RBMS3: variants seen among roughly 807,000 people sequenced by gnomAD.
The protein encoded by RBMS3 is RNA binding motif single stranded interacting protein 3.
RBMS3 carries 27 observed loss-of-function variants against 66.8 expected under a neutral mutation model. The ratio of observed to expected loss-of-function variants is 0.40; its 90% CI spans 0.30 to 0.56. RBMS3 has a LOEUF of 0.56. RBMS3 is among the 20% of genes least tolerant of loss of function. The pLI is 0.40. For synonymous variants in RBMS3, 188 were observed against 183.0 expected (o/e 1.03, Z -0.22); for missense variants, 513 against 549.5 (o/e 0.93, Z 0.66).
At chr3:29,765,231 C>A (rs1049745280) in intron 6 of RBMS3, among the ~76,000 whole-genome samples, 1 of 151,884 alleles carries the variant, frequency 6.6e-6, no homozygotes, top group African/African-American at 2.4e-5. Flanking sequence ...GGTATAATTA[C>A]AATTTGGGTA....
intron 6 of RBMS3, among the ~76,000 whole-genome samples, chr3:29,837,686 A>G (rs1462295232): frequency 8.2e-6 from 1 of 122,054 alleles, no homozygotes; most frequent in African/African-American, 3.4e-5. Flanking sequence ...ATATATATAT[A>G]TATATATATA....
At position 29,281,360 on chromosome 3, in the gene RBMS3, C is replaced by A. The variant is rs2031755544; in HGVS notation, c.-322C>A. On this transcript the variant is annotated 5_prime_UTR_variant, in exon 1 of 15. Coordinates refer to ENST00000383767, the MANE Select transcript of RBMS3 (RefSeq NM_001003793.3). ...TGGCAATTGACATCACTACAGACAGCCTGGTTAGAGAACAAACTGCCTCAT... is the reference window on the plus strand; with the variant it reads ...TGGCAATTGACATCACTACAGACAGACTGGTTAGAGAACAAACTGCCTCAT... 2.5e-6 allele frequency: 1 copy of A among 402,748 alleles called. No individual in the cohort carries two copies. Among genetic ancestry groups the A allele is most frequent in the East Asian group, 5.1e-5 (1 of 19,432 alleles). 24.9% of individuals were successfully genotyped at this position (402,748 alleles called of 1,614,324 possible).
chr3:29,893,308 A>G (rs2060048523), intron 8 of RBMS3, among the ~76,000 whole-genome samples: 1 of 151,506 alleles, frequency 6.6e-6, no homozygotes, highest in Non-Finnish European at 1.5e-5. Context: ...TCCTTTTGCT[A>G]GTATCCGTTT....
In RBMS3 at chr3:29,371,873, TA is replaced by T. The variant is rs113961046; in HGVS notation, c.76-62867del. On this transcript the variant is annotated intron_variant, in intron 1 of 14. Transcript: ENST00000383767. ...AGTTTCATTTACAAGAAGTTTTTTT[TA>T]AATTATTTTTCCATATCCTCGTCAC... Among the ~76,000 whole-genome samples, 520 of 152,174 alleles carry T rather than the reference TA, an allele frequency of 3.4e-3. 5 individuals carry two copies. The highest frequency in any genetic ancestry group is 0.017 in the East Asian group (90 of 5,172).
chr3:29,373,025 A>G (rs760675618), intron 1 of RBMS3, among the ~76,000 whole-genome samples: 4 of 152,190 alleles, frequency 2.6e-5, no homozygotes, highest in Admixed American at 1.3e-4. Flanking sequence ...AGCAGGAAAA[A>G]TTCTAAAACT....
At chr3:29,466,021 C>T (rs1159368874) in intron 2 of RBMS3, among the ~76,000 whole-genome samples, 1 of 151,732 alleles carries the variant, frequency 6.6e-6, no homozygotes, top group African/African-American at 2.4e-5. Context: ...ATCAGCATGA[C>T]TCCACTGCAG....
intron 1 of RBMS3, among the ~76,000 whole-genome samples, chr3:29,430,264 A>G (rs1162728881): frequency 6.6e-6 from 1 of 152,184 alleles, no homozygotes; most frequent in Admixed American, 6.5e-5. Context: ...TGGGTGTTAA[A>G]ATCTGTGGAT....
chr3:29,672,828 A>G (rs1021506863), intron 4 of RBMS3, among the ~76,000 whole-genome samples: 2 of 152,120 alleles, frequency 1.3e-5, no homozygotes, highest in Admixed American at 1.3e-4. Flanking sequence ...CCACACAATA[A>G]TGGGAGACTT....
chr3:29,494,826 C>G (rs574345176), intron 3 of RBMS3, among the ~76,000 whole-genome samples: 33 of 152,104 alleles, frequency 2.2e-4, no homozygotes, highest in African/African-American at 7.7e-4. Flanking sequence ...TTCCGACAGG[C>G]TATATGTTTA....
intron 3 of RBMS3, among the ~76,000 whole-genome samples, chr3:29,529,445 A>G (rs764726575): frequency 6.6e-6 from 1 of 152,238 alleles, no homozygotes; most frequent in Non-Finnish European, 1.5e-5. Flanking sequence ...TTATAAATTC[A>G]TAAAATTTTA....
intron 3 of RBMS3, among the ~76,000 whole-genome samples, chr3:29,545,190 G>A (rs2045907543): frequency 1.3e-5 from 2 of 152,054 alleles, no homozygotes; most frequent in African/African-American, 4.8e-5. Context: ...ATATTTATAT[G>A]TACTGATGTA....
At chr3:29,499,281 T>A (rs1015124652) in intron 3 of RBMS3, among the ~76,000 whole-genome samples, 1 of 152,208 alleles carries the variant, frequency 6.6e-6, no homozygotes, top group Non-Finnish European at 1.5e-5. Flanking sequence ...TTCTTATTAT[T>A]AGTTAATCAT....
rs771844932 is a variant in RBMS3 at position 29,895,923 on chromosome 3, T to C, written c.792-1456T>C. 1.5e-4 allele frequency among the ~76,000 whole-genome samples: 23 copies of C among 151,508 alleles called. 1 individual carries two copies. Among genetic ancestry groups the C allele is most frequent in the Middle Eastern group, 6.8e-3 (2 of 294 alleles). On this transcript the variant is annotated intron_variant, in intron 8 of 14. Transcript: ENST00000383767. Reference sequence around the variant, plus strand: ...GTCTTTAAAAAAAAAAACAACTTTGTATTTTCTCTTTTTGTCATTATATCA... The same window carrying C: ...GTCTTTAAAAAAAAAAACAACTTTGCATTTTCTCTTTTTGTCATTATATCA...
intron 4 of RBMS3, among the ~76,000 whole-genome samples, chr3:29,659,339 TC>T (rs1305391523): frequency 6.6e-6 from 1 of 152,156 alleles, no homozygotes; most frequent in Non-Finnish European, 1.5e-5. Flanking sequence ...AGAGCCCTTT[TC>T]GTCTTTTAAA....
intron 1 of RBMS3, among the ~76,000 whole-genome samples, chr3:29,420,272 G>A (rs148732541): frequency 2.6e-5 from 4 of 152,066 alleles, no homozygotes; most frequent in Admixed American, 6.5e-5. Context: ...GGTGCCTTCC[G>A]GTCCTAGCAG....
intron 5 of RBMS3, 53 bp from the exon 6 acceptor site, chr3:29,762,853 TTAAG>T: frequency 8.2e-7 from 1 of 1,214,900 alleles, no homozygotes; most frequent in Non-Finnish European, 1.2e-6. Flanking sequence ...CCTTTACTTC[TTAAG>T]TTTCTTTTTC....
At chr3:29,477,938 G>A (rs957497414) in intron 2 of RBMS3, among the ~76,000 whole-genome samples, 1 of 151,912 alleles carries the variant, frequency 6.6e-6, no homozygotes, top group Non-Finnish European at 1.5e-5. Context: ...GTTAAGTTTT[G>A]TATTTTTTTC....
Position 29,850,390 on chromosome 3 carries a change from C to T in RBMS3, c.638-18468C>T, listed in dbSNP as rs7622348. Reference sequence around the variant, plus strand: ...CATAACCTTCAATATATTCAATCTACTTCATTAATATTCACTGAAGTTACA... The same window carrying T: ...CATAACCTTCAATATATTCAATCTATTTCATTAATATTCACTGAAGTTACA... On this transcript the variant is annotated intron_variant, in intron 6 of 14. Transcript: ENST00000383767. 9.3e-3 allele frequency among the ~76,000 whole-genome samples: 1,423 copies of T among 152,280 alleles called. 26 individuals carry two copies. The highest frequency in any genetic ancestry group is 0.032 in the African/African-American group (1,339 of 41,544).
chr3:29,765,396 T>C (rs2055879418), intron 6 of RBMS3, among the ~76,000 whole-genome samples: 1 of 151,992 alleles, frequency 6.6e-6, no homozygotes, highest in South Asian at 2.1e-4. Flanking sequence ...ATTTATACTT[T>C]TTTTAAGTGG....
Sources: allele counts gnomAD v4.1 joint callset (sites outside exome capture counted in the v4.1 genomes callset), GRCh38; gene constraint gnomAD v4.1.1; transcripts MANE v1.5; gene names NCBI Gene and HGNC (gene_info 2026-07-23, HGNC 2026-07-21).